Variants in UGT1A6 observed in about 807,000 individuals in gnomAD.
The protein encoded by UGT1A6 is UDP glucuronosyltransferase family 1 member A6.
UGT1A6 carries 32 observed loss-of-function variants against 44.4 expected under a neutral mutation model. The observed-to-expected ratio is 0.72, with a 90% CI of 0.54 to 0.97. The LOEUF is 0.97. Ranked by LOEUF, UGT1A6 falls within the 50% of genes least tolerant of loss-of-function variation. The pLI is 0.00. For synonymous variants in UGT1A6, 238 were observed against 248.5 expected, an observed-to-expected ratio of 0.96 and a Z score of 0.40; for missense variants, 685 against 661.9, an observed-to-expected ratio of 1.03 and a Z score of -0.38.
chr2:233,691,854 T>C (rs1363953364), upstream of UGT1A6: 1 of 158,488 alleles, frequency 6.3e-6, no homozygotes, highest in East Asian at 1.9e-4. Flanking sequence ...TATATTGTGA[T>C]GTATAATAAG....
At position 233,767,045 on chromosome 2, in the gene UGT1A6, CT is replaced by C. The variant is rs756697968; in HGVS notation, c.874del (p.Tyr292ThrfsTer73). On this transcript the variant is annotated frameshift_variant, in exon 2 of 5. Coordinates refer to ENST00000305139, the MANE Select transcript of UGT1A6 (RefSeq NM_001072.4). LOFTEE classifies it high-confidence loss of function. The part of the protein sequence containing the change: ...RKDLSQEFEA[Y>X]INASGEHGIV... The stretch of plus-strand genomic sequence containing the variant: ...TCTTCTGGCTCTAGGAATTTGAAGC[CT>C]ACATTAATGCTTCTGGAGAACATGG... 7.4e-6 allele frequency: 12 copies of C among 1,613,888 alleles called. No homozygotes were observed. The highest frequency in any genetic ancestry group is 9.3e-6 in the Non-Finnish European group (11 of 1,179,996).
At chr2:233,729,839 T>A (rs749325726) in intron 1 of UGT1A6, 14 of 1,613,780 alleles carry the variant, frequency 8.7e-6, no homozygotes, top group Non-Finnish European at 4.2e-6. Context: ...GCCTCTGAGC[T>A]TTTTCAGAGA....
chr2:233,748,089 C>T (rs17863798), intron 1 of UGT1A6: 111,177 of 1,612,822 alleles, frequency 0.069, 5,243 homozygotes, highest in South Asian at 0.18. Context: ...GGTCGGTGTT[C>T]GTGCCTTCAT....
chr2:233,736,752 G>A (rs2078802513), intron 1 of UGT1A6, among the ~76,000 whole-genome samples: 1 of 152,176 alleles, frequency 6.6e-6, no homozygotes, highest in Non-Finnish European at 1.5e-5. Context: ...CTGTTTGTTA[G>A]TTTTCCTTCT....
intron 1 of UGT1A6, among the ~76,000 whole-genome samples, chr2:233,766,008 T>C (rs901073626): frequency 2.6e-5 from 4 of 152,174 alleles, no homozygotes; most frequent in Non-Finnish European, 5.9e-5. Context: ...GCGTGGGTTA[T>C]GGCCTTCTTT....
intron 1 of UGT1A6, among the ~76,000 whole-genome samples, chr2:233,720,702 T>C (rs983825744): frequency 6.7e-6 from 1 of 150,354 alleles, no homozygotes; most frequent in African/African-American, 2.5e-5. Flanking sequence ...AAGGGAGCCA[T>C]CCTTTTTTTT....
At chr2:233,692,058 G>A (rs1175564530), upstream of UGT1A6, 1 of 152,118 alleles carries the variant, frequency 6.6e-6, no homozygotes, top group Non-Finnish European at 1.5e-5. Context: ...GCGATTAGAG[G>A]GAAGAAAGGA....
At chr2:233,715,779 TA>T (rs1348568984) in intron 1 of UGT1A6, among the ~76,000 whole-genome samples, 1 of 152,020 alleles carries the variant, frequency 6.6e-6, no homozygotes, top group Non-Finnish European at 1.5e-5. Context: ...CTCAAAAAAA[TA>T]AAAATTTATT....
chr2:233,705,449 A>G (rs879424157), intron 1 of UGT1A6, among the ~76,000 whole-genome samples: 1 of 152,242 alleles, frequency 6.6e-6, no homozygotes, highest in Non-Finnish European at 1.5e-5. Flanking sequence ...AGAATTGCAC[A>G]TATTTTTTAG....
intron 1 of UGT1A6, chr2:233,750,587 G>A (rs1381403597): frequency 6.6e-6 from 1 of 151,948 alleles, no homozygotes; most frequent in East Asian, 1.9e-4. Flanking sequence ...AGGCCTGGAG[G>A]CCTAGGAAGG....
Position 233,737,701 on chromosome 2 carries a change from G to A in UGT1A6, c.862-29333G>A, listed in dbSNP as rs28898624. On this transcript the variant is annotated intron_variant, in intron 1 of 4. Transcript: ENST00000305139. ...TTTGGCCATTGGTGCTGAAGCTTCC[G>A]TTCTCCTCTCCAACACCTCCTTTTT... 9.9e-3 allele frequency among the ~76,000 whole-genome samples: 1,506 copies of A among 152,128 alleles called. 21 individuals carry two copies. Among genetic ancestry groups the A allele is most frequent in the African/African-American group, 0.034 (1,429 of 41,486 alleles).
At chr2:233,713,239 C>T (rs2076295838) in intron 1 of UGT1A6, 2 of 1,614,144 alleles carry the variant, frequency 1.2e-6, no homozygotes, top group Admixed American at 1.7e-5. Context: ...TATGCCATTT[C>T]ATGGACCCAG....
chr2:233,765,490 A>G (rs552851651), intron 1 of UGT1A6, among the ~76,000 whole-genome samples: 4 of 152,238 alleles, frequency 2.6e-5, no homozygotes, highest in Non-Finnish European at 5.9e-5. Flanking sequence ...ATCATCCTCC[A>G]CAAACTAACA....
At chr2:233,745,472 G>T (rs1454081365) in intron 1 of UGT1A6, among the ~76,000 whole-genome samples, 5 of 151,704 alleles carry the variant, frequency 3.3e-5, no homozygotes, top group Non-Finnish European at 7.4e-5. Flanking sequence ...AGGGGAAAAT[G>T]ATTAACCAAA....
intron 1 of UGT1A6, among the ~76,000 whole-genome samples, chr2:233,704,952 A>G (rs1012148200): frequency 3.3e-5 from 5 of 152,108 alleles, no homozygotes; most frequent in African/African-American, 4.8e-5. Context: ...CCTGGCCAAC[A>G]TGGTGAAACC....
At chr2:233,709,435 T>C (rs1036317154) in intron 1 of UGT1A6, among the ~76,000 whole-genome samples, 9 of 152,210 alleles carry the variant, frequency 5.9e-5, no homozygotes, top group Non-Finnish European at 8.8e-5. Context: ...CCAGAAAGGA[T>C]GACCTGCCGA....
chr2:233,712,259 G>A (rs763507472), intron 1 of UGT1A6, among the ~76,000 whole-genome samples: 18 of 152,230 alleles, frequency 1.2e-4, no homozygotes, highest in Non-Finnish European at 1.9e-4. Context: ...TCTTGCACAT[G>A]TGTGCTTTAG....
At chr2:233,718,793 C>T in intron 1 of UGT1A6, 2 of 1,613,146 alleles carry the variant, frequency 1.2e-6, no homozygotes, top group Non-Finnish European at 1.7e-6. Flanking sequence ...GTGGGGTGGA[C>T]AGTCAGCTGT....
intron 1 of UGT1A6, chr2:233,717,994 C>T (rs1405290169): frequency 4.7e-6 from 2 of 423,448 alleles, no homozygotes; most frequent in Non-Finnish European, 4.8e-6. Context: ...TCAGACTGTG[C>T]AAGATCTGAG....
Sources: gnomAD v4.1 joint callset for allele counts (sites outside exome capture counted in the v4.1 genomes callset) on GRCh38, gnomAD v4.1.1 for gene constraint, MANE v1.5 for transcripts, NCBI Gene and HGNC (gene_info 2026-07-23, HGNC 2026-07-21) for gene names.